The following FOXP4 variants were observed in gnomAD, a reference collection of about 807,000 sequenced individuals.
FOXP4 encodes forkhead box protein P4.
In FOXP4, 25 loss-of-function variants were observed where a neutral mutation model predicts 82.6. The ratio of observed to expected loss-of-function variants is 0.30; its 90% CI spans 0.22 to 0.42. The LOEUF is 0.42. FOXP4 is among the 10% of genes least tolerant of loss of function. The pLI is 1.00. For missense variants in FOXP4, 785 were observed against 900.9 expected (o/e 0.87, Z 1.65); for synonymous variants, 415 against 388.2 (o/e 1.07, Z -0.81).
intron 3 of FOXP4, among the ~76,000 whole-genome samples, chr6:41,584,305 C>G (rs1380419360): frequency 6.6e-6 from 1 of 152,210 alleles, no homozygotes; most frequent in Non-Finnish European, 1.5e-5. Context: ...CCAGGCCTAC[C>G]TTGCAGGAAG....
At chr6:41,567,740 T>C (rs551297363) in intron 2 of FOXP4, among the ~76,000 whole-genome samples, 11 of 152,246 alleles carry the variant, frequency 7.2e-5, no homozygotes, top group Non-Finnish European at 5.9e-5. Flanking sequence ...CTGTCTGTAC[T>C]GATCAGGTTT....
At chr6:41,550,718 G>C (rs773262019) in intron 1 of FOXP4, among the ~76,000 whole-genome samples, 7 of 152,266 alleles carry the variant, frequency 4.6e-5, no homozygotes, top group Non-Finnish European at 8.8e-5. Flanking sequence ...GAGGGGGACT[G>C]TAGGTGCAGA....
Position 41,587,796 on chromosome 6 carries a change from T to C in FOXP4, c.876T>C (p.Ser292=). The change falls in exon 8 of 17, where the codon TCT becomes TCC. Residue 292 remains serine (S), a synonymous_variant. Coordinates refer to ENST00000307972, the MANE Select transcript of FOXP4 (RefSeq NM_001012426.2). ...CACCTCCCTGCTGTCCTCCCAGCTC[T>C]TCCCACGAGGAGACCCCCGGCTCCC... ...PTVLTSRRDS[S]SHEETPGSHP... is the part of the protein sequence containing the mutation. 1 of 1,558,124 alleles carries C rather than the reference T, an allele frequency of 6.4e-7. No individual in the cohort carries two copies. Among genetic ancestry groups the C allele is most frequent in the Non-Finnish European group, 8.7e-7 (1 of 1,149,496 alleles).
intron 1 of FOXP4, 111 bp from the exon 2 acceptor site, chr6:41,565,634 G>A: frequency 1.0e-6 from 1 of 981,568 alleles, no homozygotes; most frequent in Non-Finnish European, 1.5e-6. Context: ...TTGAGGAGAA[G>A]TAGATGCCCA....
chr6:41,578,717 CG>C (rs1419772323), intron 3 of FOXP4, among the ~76,000 whole-genome samples: 3 of 45,450 alleles, frequency 6.6e-5, no homozygotes, highest in Non-Finnish European at 9.1e-5. Context: ...GGGGGGTGGG[CG>C]GGGGGTGGGG....
intron 2 of FOXP4, among the ~76,000 whole-genome samples, chr6:41,572,550 G>A (rs1765261703): frequency 6.6e-6 from 1 of 152,118 alleles, no homozygotes; most frequent in African/African-American, 2.4e-5. Flanking sequence ...TGCTTTTCTG[G>A]CTCAGAATGG....
rs552737376 is a variant in FOXP4, at chr6:41,596,578, T to A, written c.1659-598T>A. Among the ~76,000 whole-genome samples, 14 of 151,976 alleles carry A rather than the reference T, an allele frequency of 9.2e-5. No homozygotes were observed. The East Asian group carries it at 2.1e-3, about 23-fold the overall frequency. On this transcript the variant is annotated intron_variant, in intron 14 of 16. Coordinates refer to ENST00000307972, the MANE Select transcript of FOXP4 (RefSeq NM_001012426.2). ...GTGACCTTTGGCTGTTTCCTTAAGC[T>A]CTGTGAGAGCTCTGTGATGGTGTCA...
chr6:41,596,769 G>A (rs565974663), intron 14 of FOXP4, among the ~76,000 whole-genome samples: 59 of 152,318 alleles, frequency 3.9e-4, no homozygotes, highest in African/African-American at 1.4e-3. Context: ...TGGCAAGACA[G>A]TGTGGGCAGA....
At chr6:41,584,080 G>T (rs980495861) in intron 3 of FOXP4, among the ~76,000 whole-genome samples, 3 of 152,222 alleles carry the variant, frequency 2.0e-5, no homozygotes, top group African/African-American at 7.2e-5. Context: ...CTCCCTGCCT[G>T]CCATTCTTCC....
chr6:41,599,224 C>CG lies in FOXP4; in HGVS notation c.*288_*289insG. ...TCTGAAACTGCCTCCCCCCAACCAC[C>CG]AGCAGCAGCAGGGCCCTCCTCCCCC... On this transcript the variant is annotated 3_prime_UTR_variant, in exon 17 of 17. Coordinates refer to ENST00000307972, the MANE Select transcript of FOXP4 (RefSeq NM_001012426.2). 1 of 267,288 alleles carries CG rather than the reference C, an allele frequency of 3.7e-6. No individual in the cohort carries two copies. The highest frequency in any genetic ancestry group is 9.9e-5 in the South Asian group (1 of 10,116). 16.6% of individuals were successfully genotyped at this position (267,288 alleles called of 1,614,324 possible). A position where few individuals can be genotyped will look rare whatever the true frequency, so the allele number is the denominator to read the frequency against.
chr6:41,583,659 T>A (rs1197173025), intron 3 of FOXP4, among the ~76,000 whole-genome samples: 1 of 152,144 alleles, frequency 6.6e-6, no homozygotes, highest in Non-Finnish European at 1.5e-5. Flanking sequence ...CCTGTATGCA[T>A]GGGGTCACAG....
In FOXP4 at chr6:41,591,496, ATTG is replaced by A. The variant is rs1367241908; in HGVS notation, c.1536+177_1536+179del. 3.9e-5 allele frequency among the ~76,000 whole-genome samples: 6 copies of A among 152,152 alleles called. No homozygotes were observed. Among genetic ancestry groups the A allele is most frequent in the African/African-American group, 1.4e-4 (6 of 41,428 alleles). On this transcript the variant is annotated intron_variant, in intron 13 of 16. Transcript: ENST00000307972. This position sits in a 1 kb window ranked among gnomAD's most constrained non-coding sequence, Gnocchi z 4.2. The stretch of plus-strand genomic sequence containing the variant: ...ACGCCCACCTCAGCAGGGGCTGTGG[ATTG>A]TTCCATAACCTTTTAATGATCCCTT...
chr6:41,567,981 G>A (rs1451239043), intron 2 of FOXP4, among the ~76,000 whole-genome samples: 3 of 152,204 alleles, frequency 2.0e-5, no homozygotes, highest in Admixed American at 1.3e-4. Flanking sequence ...AAAAGGTTTT[G>A]TTGGCTCCAA....
chr6:41,557,416 GTAGAGTATCCTGTTCCCA>G (rs1001082666), intron 1 of FOXP4, among the ~76,000 whole-genome samples: 9 of 152,322 alleles, frequency 5.9e-5, no homozygotes, highest in Non-Finnish European at 1.0e-4. Context: ...AGTCAAAAAT[GTAGAGTATCCTGTTCCCA>G]TAGAGTATCC....
intron 5 of FOXP4, among the ~76,000 whole-genome samples, chr6:41,586,438 G>C (rs561606217): frequency 1.3e-5 from 2 of 152,296 alleles, no homozygotes; most frequent in South Asian, 4.1e-4. Context: ...TAGAGTGGGT[G>C]AGCCAACGAG....
intron 1 of FOXP4, among the ~76,000 whole-genome samples, chr6:41,555,262 G>A (rs9471602): frequency 0.013 from 1,920 of 151,878 alleles, 34 homozygotes; most frequent in African/African-American, 0.043. Context: ...AAAAAAAAAA[G>A]AACTGATGGT....
chr6:41,582,318 A>G (rs376522628), intron 3 of FOXP4, among the ~76,000 whole-genome samples: 29 of 152,178 alleles, frequency 1.9e-4, no homozygotes, highest in East Asian at 3.9e-4. Flanking sequence ...TGAAGATTCC[A>G]TGAGATACAC....
Position 41,599,896 on chromosome 6 carries a change from C to T in FOXP4, c.*960C>T, listed in dbSNP as rs1336665011. The T allele has an allele frequency of 6.8e-6, 1 of 147,022 alleles. No individual in the cohort carries two copies. The highest frequency in any genetic ancestry group is 1.5e-5 in the Non-Finnish European group (1 of 64,552). The allele number at this position is 147,022 out of a possible 1,614,324, so 9.1% of individuals were successfully genotyped here. ...CAGCTCCCCTTCCTTGCCCGCCTCT[C>T]CCCCCGCCGCCCCACCAGTTAAACG... On this transcript the variant is annotated 3_prime_UTR_variant, in exon 17 of 17. Coordinates refer to ENST00000307972, the MANE Select transcript of FOXP4 (RefSeq NM_001012426.2).
intron 2 of FOXP4, among the ~76,000 whole-genome samples, chr6:41,571,586 G>A (rs1192961424): frequency 6.6e-6 from 1 of 152,088 alleles, no homozygotes; most frequent in Non-Finnish European, 1.5e-5. Flanking sequence ...TGCGTTGCTG[G>A]TTTTCATTTT....
Sources: gnomAD v4.1 joint callset for allele counts (sites outside exome capture counted in the v4.1 genomes callset) on GRCh38, gnomAD v4.1.1 for gene constraint, Gnocchi (gnomAD v3.1) non-coding constraint, MANE v1.5 for transcripts, NCBI Gene and HGNC (gene_info 2026-07-23, HGNC 2026-07-21) for gene names.